The following EHBP1 variants were observed in gnomAD, a reference collection of about 807,000 sequenced individuals.
EHBP1 encodes the protein EH domain-binding protein 1.
In EHBP1, 55 loss-of-function variants were observed where a neutral mutation model predicts 144.0. The observed-to-expected ratio is 0.38, with a 90% CI of 0.31 to 0.48. The LOEUF (loss-of-function observed/expected upper bound fraction) is 0.48, where lower values mean the gene tolerates loss of function less well. Among genes scored for constraint, EHBP1 ranks in the 20% least tolerant of loss-of-function variants. The probability of loss-of-function intolerance (pLI) is 0.98; values close to 1 mark genes in which losing one functional copy is unlikely to be tolerated. For missense variants in EHBP1, 1,200 were observed against 1,364.2 expected (o/e 0.88, Z 1.90); for synonymous variants, 469 against 472.7 (o/e 0.99, Z 0.10).
intron 2 of EHBP1, among the ~76,000 whole-genome samples, chr2:62,722,400 G>A (rs1296553638): frequency 2.0e-5 from 3 of 151,980 alleles, no homozygotes; most frequent in African/African-American, 7.3e-5. Context: ...TGGGATTACA[G>A]GCATGAGCCA....
At chr2:62,750,369 C>G (rs987459449) in intron 3 of EHBP1, among the ~76,000 whole-genome samples, 3 of 152,168 alleles carry the variant, frequency 2.0e-5, no homozygotes, top group Admixed American at 6.5e-5. Flanking sequence ...CAGTACCATG[C>G]TGTTTTGGTT....
At position 62,771,336 on chromosome 2, in the gene EHBP1, C is replaced by A; in HGVS notation, c.259-3C>A. 1 of 1,591,576 alleles carries A rather than the reference C, an allele frequency of 6.3e-7. No homozygotes were observed. The highest frequency in any genetic ancestry group is 8.6e-7 in the Non-Finnish European group (1 of 1,168,840). On this transcript the variant is annotated splice_region_variant and splice_polypyrimidine_tract_variant and intron_variant, in intron 4 of 22. Transcript: ENST00000431489. ...TCCATTTCATATTTTGCTTTTGTTA[C>A]AGGATCCTCATGCGGAAGAATTTGA... is the stretch of plus-strand genomic sequence containing the variant.
At chr2:62,799,392 T>G (rs1483145543) in intron 5 of EHBP1, among the ~76,000 whole-genome samples, 1 of 152,214 alleles carries the variant, frequency 6.6e-6, no homozygotes, top group Non-Finnish European at 1.5e-5. Context: ...TATATATGAC[T>G]GTTCAGTTTT....
chr2:62,712,473 G>A (rs2035243232), intron 2 of EHBP1, among the ~76,000 whole-genome samples: 1 of 152,194 alleles, frequency 6.6e-6, no homozygotes. Flanking sequence ...AATTTTAAGT[G>A]AATGCAACCA....
At chr2:62,991,350 A>G (rs2153223256) in intron 16 of EHBP1, among the ~76,000 whole-genome samples, 1 of 152,250 alleles carries the variant, frequency 6.6e-6, no homozygotes, top group South Asian at 2.1e-4. Flanking sequence ...CAGGGAAACT[A>G]CTACTTTAAA....
chr2:62,817,155 A>G (rs912409038), intron 5 of EHBP1, among the ~76,000 whole-genome samples: 2 of 152,222 alleles, frequency 1.3e-5, no homozygotes, highest in Non-Finnish European at 2.9e-5. Flanking sequence ...CTCTAGGGCT[A>G]GGATACAGTG....
intron 20 of EHBP1, among the ~76,000 whole-genome samples, chr2:63,038,162 A>G (rs1273875052): frequency 6.6e-6 from 1 of 152,112 alleles, no homozygotes; most frequent in Non-Finnish European, 1.5e-5. Context: ...ATTTTAGTTC[A>G]CCGGAGGACT....
intron 1 of EHBP1, among the ~76,000 whole-genome samples, chr2:62,682,251 G>A (rs1316305940): frequency 6.6e-6 from 1 of 152,156 alleles, no homozygotes; most frequent in African/African-American, 2.4e-5. Context: ...GTTTACTAGG[G>A]TGTGTTATAA....
chr2:63,027,188 T>C (rs1459158907), intron 19 of EHBP1, among the ~76,000 whole-genome samples: 1 of 152,228 alleles, frequency 6.6e-6, no homozygotes, highest in Admixed American at 6.5e-5. Flanking sequence ...AAACAGTTGA[T>C]GCTATTATTA....
intron 5 of EHBP1, among the ~76,000 whole-genome samples, chr2:62,774,581 G>A (rs1573277721): frequency 6.6e-6 from 1 of 152,118 alleles, no homozygotes; most frequent in Non-Finnish European, 1.5e-5. Context: ...CATTGAGCGT[G>A]TATTATGTGC....
chr2:62,993,911 A>G lies in EHBP1; in HGVS notation c.2913A>G (p.Lys971=), dbSNP rs748007254. 33 of 1,596,346 alleles carry G rather than the reference A, an allele frequency of 2.1e-5. No individual in the cohort carries two copies. Among genetic ancestry groups the G allele is most frequent in the Non-Finnish European group, 2.6e-5 (30 of 1,169,926 alleles). The change falls in exon 18 of 23, where the codon AAA becomes AAG. Residue 971 remains lysine, a synonymous_variant. Coordinates refer to ENST00000431489, the MANE Select transcript of EHBP1 (RefSeq NM_001142616.3). The part of the protein sequence containing the change: ...RQRSIQEDTK[K]GNEEKAAITE... The stretch of plus-strand genomic sequence containing the variant: ...GATCAATACAGGAAGATACAAAGAA[A>G]GGAAATGAGGAGAAGGCAGCGATAA...
At chr2:62,769,268 C>T (rs1473508681) in intron 4 of EHBP1, among the ~76,000 whole-genome samples, 1 of 152,182 alleles carries the variant, frequency 6.6e-6, no homozygotes, top group Non-Finnish European at 1.5e-5. Flanking sequence ...CCCATAGTCT[C>T]AGCCCAAAAG....
At chr2:62,733,354 C>T (rs891466481) in intron 2 of EHBP1, among the ~76,000 whole-genome samples, 4 of 152,084 alleles carry the variant, frequency 2.6e-5, no homozygotes, top group African/African-American at 7.2e-5. Flanking sequence ...CTTGTAGTTT[C>T]TCTAGAGATT....
intron 10 of EHBP1, among the ~76,000 whole-genome samples, chr2:62,922,006 G>A (rs1489813460): frequency 6.6e-6 from 1 of 151,904 alleles, no homozygotes; most frequent in East Asian, 1.9e-4. Context: ...GAAAACCCGT[G>A]TTTACTAAAA....
chr2:62,833,540 G>C (rs1414336829), intron 7 of EHBP1, among the ~76,000 whole-genome samples: 1 of 152,174 alleles, frequency 6.6e-6, no homozygotes, highest in Non-Finnish European at 1.5e-5. Flanking sequence ...GTGGTTTACT[G>C]AATATTTTAA....
At chr2:62,714,528 A>T (rs534885887) in intron 2 of EHBP1, among the ~76,000 whole-genome samples, 3 of 152,342 alleles carry the variant, frequency 2.0e-5, no homozygotes, top group African/African-American at 7.2e-5. Context: ...ATCTCTTGGT[A>T]CTTCTTCAGT....
intron 3 of EHBP1, 45 bp from the exon 4 acceptor site, chr2:62,764,221 C>T (rs780017869): frequency 7.6e-7 from 1 of 1,312,108 alleles, no homozygotes; most frequent in Admixed American, 2.6e-5. Context: ...ACTAACATTG[C>T]ATTTCCCATA....
At chr2:63,011,581 C>T (rs2060271796) in intron 19 of EHBP1, among the ~76,000 whole-genome samples, 1 of 151,886 alleles carries the variant, frequency 6.6e-6, no homozygotes, top group South Asian at 2.1e-4. Context: ...AATAACATTA[C>T]AGCAATCTTG....
At chr2:62,714,760 T>C (rs138358606) in intron 2 of EHBP1, among the ~76,000 whole-genome samples, 1 of 152,324 alleles carries the variant, frequency 6.6e-6, no homozygotes, top group East Asian at 1.9e-4. Flanking sequence ...ACTGTAAATA[T>C]AACCTGAACT....
Sources: allele counts gnomAD v4.1 joint callset (sites outside exome capture counted in the v4.1 genomes callset), GRCh38; gene constraint gnomAD v4.1.1; transcripts MANE v1.5; gene names NCBI Gene and HGNC (gene_info 2026-07-23, HGNC 2026-07-21).